GALNTL6: variants seen among roughly 807,000 people sequenced by gnomAD.
GALNTL6 encodes polypeptide N-acetylgalactosaminyltransferase-like 6.
In GALNTL6, 46 loss-of-function variants were observed where a neutral mutation model predicts 73.7. The ratio of observed to expected loss-of-function variants is 0.62; its 90% confidence interval spans 0.49 to 0.80. GALNTL6 has a LOEUF of 0.80. Ranked by LOEUF, GALNTL6 falls within the 30% of genes least tolerant of loss-of-function variation. The probability of loss-of-function intolerance (pLI) is 0.00; values close to 1 mark genes in which losing one functional copy is unlikely to be tolerated. For missense variants in GALNTL6, 604 were observed against 755.0 expected (o/e 0.80, Z 2.34); for synonymous variants, 259 against 263.7 (o/e 0.98, Z 0.17).
intron 5 of GALNTL6, among the ~76,000 whole-genome samples, chr4:172,496,637 C>T (rs1478424731): frequency 6.6e-6 from 1 of 152,146 alleles, no homozygotes; most frequent in African/African-American, 2.4e-5. Flanking sequence ...GAGTTATGAT[C>T]AGGCCACTCC....
At chr4:171,852,089 G>C (rs987887676) in intron 2 of GALNTL6, among the ~76,000 whole-genome samples, 1 of 152,170 alleles carries the variant, frequency 6.6e-6, no homozygotes, top group Non-Finnish European at 1.5e-5. Flanking sequence ...AAAGTTTAGA[G>C]TAGGAATATA....
chr4:172,644,624 C>T (rs576218453), intron 5 of GALNTL6, among the ~76,000 whole-genome samples: 1 of 151,908 alleles, frequency 6.6e-6, no homozygotes, highest in Admixed American at 6.6e-5. Context: ...ATGTACTTGT[C>T]CATTCCATTG....
chr4:172,552,837 T>A (rs1456937160), intron 5 of GALNTL6, among the ~76,000 whole-genome samples: 13 of 80,406 alleles, frequency 1.6e-4, no homozygotes, highest in East Asian at 8.7e-4. Flanking sequence ...GTAATTGCAG[T>A]AAAAAAAAAA....
intron 5 of GALNTL6, among the ~76,000 whole-genome samples, chr4:172,592,654 A>ATCTG (rs201455102): frequency 1.6e-3 from 220 of 136,948 alleles, no homozygotes; most frequent in South Asian, 1.9e-3. Context: ...TCAAATCTAT[A>ATCTG]TCTGTCTGTC....
At chr4:172,956,684 A>G (rs1028710472) in intron 10 of GALNTL6, among the ~76,000 whole-genome samples, 9 of 152,254 alleles carry the variant, frequency 5.9e-5, no homozygotes, top group Admixed American at 3.9e-4. Context: ...AGAAGCGTCT[A>G]TACAGGAGCT....
At chr4:172,429,818 G>A (rs335978) in intron 5 of GALNTL6, among the ~76,000 whole-genome samples, 133,406 of 152,092 alleles carry the variant, frequency 0.88, 58,549 homozygotes, top group South Asian at 0.89. Flanking sequence ...CACAGGAGAA[G>A]TATGAAGCGT....
At chr4:172,390,490 T>G (rs1033551804) in intron 5 of GALNTL6, among the ~76,000 whole-genome samples, 13 of 152,240 alleles carry the variant, frequency 8.5e-5, no homozygotes, top group African/African-American at 3.1e-4. Context: ...TGATAAAATC[T>G]CACACCTACT....
intron 5 of GALNTL6, among the ~76,000 whole-genome samples, chr4:172,736,302 G>A (rs1012821301): frequency 6.6e-6 from 1 of 152,182 alleles, no homozygotes; most frequent in South Asian, 2.1e-4. Context: ...CTCCCCCTGA[G>A]AATACAATAT....
At chr4:172,228,827 A>T (rs1202264968) in intron 2 of GALNTL6, among the ~76,000 whole-genome samples, 2 of 152,240 alleles carry the variant, frequency 1.3e-5, no homozygotes, top group Non-Finnish European at 2.9e-5. Context: ...AAACATCATA[A>T]AAAAGAAGTA....
At chr4:172,273,427 G>C (rs897429124) in intron 3 of GALNTL6, among the ~76,000 whole-genome samples, 2 of 152,116 alleles carry the variant, frequency 1.3e-5, no homozygotes, top group Non-Finnish European at 2.9e-5. Context: ...CAGAACTTCT[G>C]TAGCACTAAG....
At chr4:172,575,079 G>C (rs112260724) in intron 5 of GALNTL6, among the ~76,000 whole-genome samples, 87 of 152,232 alleles carry the variant, frequency 5.7e-4, no homozygotes, top group African/African-American at 2.0e-3. Flanking sequence ...AGCAAATGCA[G>C]ACTCAAATGC....
chr4:172,145,455 G>T (rs2110748225), intron 2 of GALNTL6, among the ~76,000 whole-genome samples: 1 of 152,076 alleles, frequency 6.6e-6, no homozygotes, highest in Admixed American at 6.5e-5. Context: ...ACGTTGTCCA[G>T]GCTGGTCTCA....
intron 2 of GALNTL6, among the ~76,000 whole-genome samples, chr4:171,822,577 G>T (rs541882750): frequency 6.6e-6 from 1 of 152,050 alleles, no homozygotes. Context: ...TTTTTAGAAC[G>T]TCCATTGAAG....
At chr4:172,011,449 CA>C (rs1489693530) in intron 2 of GALNTL6, among the ~76,000 whole-genome samples, 2 of 152,002 alleles carry the variant, frequency 1.3e-5, no homozygotes, top group Non-Finnish European at 2.9e-5. Flanking sequence ...CTATTTCTTT[CA>C]AATGCAAGAA....
At chr4:172,093,514 G>A (rs749738492) in intron 2 of GALNTL6, among the ~76,000 whole-genome samples, 2 of 152,036 alleles carry the variant, frequency 1.3e-5, no homozygotes, top group Non-Finnish European at 2.9e-5. Context: ...TTCAAACCCT[G>A]GGCCACAGAC....
chr4:172,457,101 T>C (rs1296877146), intron 5 of GALNTL6, among the ~76,000 whole-genome samples: 1 of 151,942 alleles, frequency 6.6e-6, no homozygotes, highest in Non-Finnish European at 1.5e-5. Context: ...CCAGCCAAAC[T>C]AAGCTTCATA....
chr4:172,184,986 A>C (rs1735373573), intron 2 of GALNTL6, among the ~76,000 whole-genome samples: 1 of 152,194 alleles, frequency 6.6e-6, no homozygotes, highest in African/African-American at 2.4e-5. Flanking sequence ...TTGGGAATTA[A>C]GTTTCCAATA....
intron 3 of GALNTL6, among the ~76,000 whole-genome samples, chr4:172,233,011 G>A (rs1247249502): frequency 6.6e-6 from 1 of 151,946 alleles, no homozygotes; most frequent in Non-Finnish European, 1.5e-5. Context: ...TTTTGAGGTA[G>A]CCAAATCCAG....
chr4:172,874,849 C>G (rs774429688), intron 7 of GALNTL6, among the ~76,000 whole-genome samples: 5 of 152,108 alleles, frequency 3.3e-5, no homozygotes, highest in Non-Finnish European at 7.3e-5. Context: ...TTGTGAAGCT[C>G]GGGACATTCG....
Sources: gnomAD v4.1 joint callset for allele counts (sites outside exome capture counted in the v4.1 genomes callset) on GRCh38, gnomAD v4.1.1 for gene constraint, MANE v1.5 for transcripts, NCBI Gene and HGNC (gene_info 2026-07-23, HGNC 2026-07-21) for gene names.